The following TOMM20 variants were observed in gnomAD, a reference collection of about 807,000 sequenced individuals.
TOMM20 encodes the protein translocase of outer mitochondrial membrane 20.
In TOMM20, 10 loss-of-function variants were observed where a neutral mutation model predicts 22.1. The ratio of observed to expected loss-of-function variants is 0.45; its 90% CI spans 0.28 to 0.77. The LOEUF (loss-of-function observed/expected upper bound fraction) is 0.77. Ranked by LOEUF, TOMM20 falls within the 30% of genes least tolerant of loss-of-function variation. TOMM20 has a pLI of 0.13. For missense variants in TOMM20, 121 were observed against 172.2 expected, an observed-to-expected ratio of 0.70 and a Z score of 1.66; for synonymous variants, 55 against 61.4, an observed-to-expected ratio of 0.90 and a Z score of 0.49.
rs191703989 is a variant in TOMM20 at position 235,116,003 on chromosome 1, T to C, written c.251-2093A>G. 2.0e-3 allele frequency among the ~76,000 whole-genome samples: 299 copies of C among 152,352 alleles called. 4 individuals carry two copies. Among genetic ancestry groups the C allele is most frequent in the Admixed American group, 0.018 (270 of 15,296 alleles). On this transcript the variant is annotated intron_variant, in intron 3 of 4. Transcript: ENST00000366607. ...CAAATGCCAATACCCTTGTTACTAT[T>C]ATTGCAGTGAATAACGAGCTGTCCT...
chr1:235,121,776 A>C (rs1436354013), intron 2 of TOMM20, among the ~76,000 whole-genome samples: 3 of 152,228 alleles, frequency 2.0e-5, no homozygotes, highest in Non-Finnish European at 4.4e-5. Context: ...CAAGTAGATA[A>C]ACCTACATAG....
In TOMM20 at chr1:235,128,617, G is replaced by A. The variant is rs576710258; in HGVS notation, c.99C>T (p.Asn33=). Residue 33 remains asparagine, a synonymous_variant, in exon 1 of 5, where the codon AAC becomes AAT. Transcript: ENST00000366607. Reference sequence around the variant, plus strand: ...CACGTTCTCGAAGCCTGTTCTTGAAGTTGGGGTCACTTCGTCTTTTGCGGT... The same window carrying A: ...CACGTTCTCGAAGCCTGTTCTTGAAATTGGGGTCACTTCGTCTTTTGCGGT... ...YFDRKRRSDP[N]FKNRLRERRK... The A allele has an allele frequency of 8.1e-6, 13 of 1,613,176 alleles. No individual in the cohort carries two copies. Among genetic ancestry groups the A allele is most frequent in the Middle Eastern group, 1.9e-4 (1 of 5,294 alleles).
In TOMM20 at chr1:235,109,621, C is replaced by G. The variant is rs1660702265; in HGVS notation, c.*2443G>C. 1 of 152,208 alleles carries G rather than the reference C, an allele frequency of 6.6e-6. No individual in the cohort carries two copies. Among genetic ancestry groups the G allele is most frequent in the Admixed American group, 6.5e-5 (1 of 15,284 alleles). The allele number at this position is 152,208 out of a possible 1,614,324, so 9.4% of individuals were successfully genotyped here. On this transcript the variant is annotated 3_prime_UTR_variant, in exon 5 of 5. Coordinates refer to ENST00000366607, the MANE Select transcript of TOMM20 (RefSeq NM_014765.3). ...TGCAAGCTCTACTAGGTTTTACACA[C>G]TTTACATAAACGTGAACCTAAGTTC... is the stretch of plus-strand genomic sequence containing the variant.
intron 1 of TOMM20, among the ~76,000 whole-genome samples, chr1:235,126,469 T>C (rs1661024544): frequency 6.6e-6 from 1 of 151,918 alleles, no homozygotes; most frequent in African/African-American, 2.4e-5. Context: ...TTATTCTAAA[T>C]AAATTTTACA....
chr1:235,119,073 C>T (rs1201445027), intron 3 of TOMM20, among the ~76,000 whole-genome samples: 1 of 152,202 alleles, frequency 6.6e-6, no homozygotes, highest in African/African-American at 2.4e-5. Flanking sequence ...TCTATTGATA[C>T]AGCAATCAGA....
At chr1:235,118,683 C>G (rs1191091691) in intron 3 of TOMM20, among the ~76,000 whole-genome samples, 3 of 152,112 alleles carry the variant, frequency 2.0e-5, no homozygotes, top group Non-Finnish European at 2.9e-5. Context: ...ACTACTGCAC[C>G]TGGTTTATTT....
At chr1:235,125,460 C>A (rs1486734721) in intron 1 of TOMM20, among the ~76,000 whole-genome samples, 1 of 152,214 alleles carries the variant, frequency 6.6e-6, no homozygotes, top group East Asian at 1.9e-4. Context: ...TGTGATCCGC[C>A]CGCCTCGGCC....
intron 1 of TOMM20, among the ~76,000 whole-genome samples, chr1:235,125,135 C>G (rs1190245990): frequency 6.6e-6 from 1 of 152,194 alleles, no homozygotes; most frequent in African/African-American, 2.4e-5. Context: ...TAACAGGTGA[C>G]AAAAAGTCTA....
At chr1:235,121,746 G>A (rs72756017) in intron 2 of TOMM20, among the ~76,000 whole-genome samples, 23,631 of 152,032 alleles carry the variant, frequency 0.16, 2,005 homozygotes, top group Middle Eastern at 0.24. Flanking sequence ...ACTTACACAC[G>A]CCACAGAACA....
intron 1 of TOMM20, among the ~76,000 whole-genome samples, chr1:235,124,963 T>C (rs1660986580): frequency 6.6e-6 from 1 of 152,242 alleles, no homozygotes; most frequent in African/African-American, 2.4e-5. Flanking sequence ...TTTATTCATT[T>C]AAATAAGATG....
intron 2 of TOMM20, among the ~76,000 whole-genome samples, 190 bp downstream of exon 2, chr1:235,122,136 A>C (rs1405293642): frequency 6.6e-6 from 1 of 152,218 alleles, no homozygotes; most frequent in Non-Finnish European, 1.5e-5. Context: ...GAAATAATGA[A>C]GGACTCGATA....
At chr1:235,118,278 C>A (rs769661124) in intron 3 of TOMM20, among the ~76,000 whole-genome samples, 5 of 152,210 alleles carry the variant, frequency 3.3e-5, no homozygotes, top group Non-Finnish European at 4.4e-5. Context: ...GTTAATACAA[C>A]AGCATGGAGA....
intron 3 of TOMM20, among the ~76,000 whole-genome samples, chr1:235,115,530 G>C (rs1472405913): frequency 1.3e-5 from 2 of 152,132 alleles, no homozygotes; most frequent in Admixed American, 6.5e-5. Flanking sequence ...GGGAGGCCAA[G>C]GCAGGAGAAT....
intron 3 of TOMM20, among the ~76,000 whole-genome samples, chr1:235,118,653 G>GTAGC (rs1358017467): frequency 6.6e-6 from 1 of 152,162 alleles, no homozygotes; most frequent in Non-Finnish European, 1.5e-5. Context: ...CAGTCTCTGA[G>GTAGC]TAGCTGGCTA....
intron 1 of TOMM20, among the ~76,000 whole-genome samples, chr1:235,123,390 CAGG>C (rs1248956443): frequency 1.3e-5 from 2 of 152,146 alleles, no homozygotes; most frequent in African/African-American, 2.4e-5. Flanking sequence ...GAGGCTGAGG[CAGG>C]AGAATTGCTT....
chr1:235,120,818 G>A (rs1660918821), intron 2 of TOMM20, among the ~76,000 whole-genome samples: 1 of 137,060 alleles, frequency 7.3e-6, no homozygotes, highest in Non-Finnish European at 1.5e-5. Context: ...AGTGAGCTGT[G>A]ACTGCACCGC....
At chr1:235,116,902 A>T (rs80047774) in intron 3 of TOMM20, among the ~76,000 whole-genome samples, 1 of 151,930 alleles carries the variant, frequency 6.6e-6, no homozygotes, top group Non-Finnish European at 1.5e-5. Flanking sequence ...TTGGGAGGCC[A>T]AGGCGGGCGG....
At chr1:235,118,732 C>T (rs1247314689) in intron 3 of TOMM20, among the ~76,000 whole-genome samples, 3 of 152,158 alleles carry the variant, frequency 2.0e-5, no homozygotes, top group East Asian at 1.9e-4. Context: ...ACTTTGTTAT[C>T]GATGCTGGTC....
At chr1:235,128,474 G>A in intron 1 of TOMM20, 121 bp downstream of exon 1, 2 of 1,500,880 alleles carry the variant, frequency 1.3e-6, no homozygotes, top group South Asian at 2.5e-5. Flanking sequence ...ATCGCCTATT[G>A]AGGGCCGCAC....
Sources: gnomAD v4.1 joint callset for allele counts (sites outside exome capture counted in the v4.1 genomes callset) on GRCh38, gnomAD v4.1.1 for gene constraint, MANE v1.5 for transcripts, NCBI Gene and HGNC (gene_info 2026-07-23, HGNC 2026-07-21) for gene names.